Variants in HKDC1 observed in about 807,000 individuals in gnomAD.
HKDC1 encodes the protein hexokinase HKDC1.
A neutral mutation model predicts 96.6 loss-of-function variants in HKDC1; 66 were observed. That is an observed-to-expected ratio of 0.68 (90% confidence interval 0.56 to 0.84). The LOEUF is 0.84. Ranked by LOEUF, HKDC1 falls within the 40% of genes least tolerant of loss-of-function variation. The pLI is 0.00. For missense variants in HKDC1, 1,211 were observed against 1,208.1 expected (o/e 1.00, Z -0.04); for synonymous variants, 466 against 473.1 (o/e 0.98, Z 0.20).
At position 69,250,382 on chromosome 10, in the gene HKDC1, T is replaced by C. The variant is rs1386027991; in HGVS notation, c.1663T>C (p.Tyr555His). ...AAGTGGACGGAGGTCAGTGCGAATG[T>C]ACAACAAGATCTTCGCCATCCCCCT... ...IRSGRRSVRM[Y>H]NKIFAIPLEI... Residue 555 changes from tyrosine to histidine, a missense_variant, in exon 11 of 18, where the codon TAC becomes CAC. Physicochemically the swap from Tyr to His is moderately conservative, Grantham distance 83. Transcript: ENST00000354624. The C allele has an allele frequency of 1.9e-6, 3 of 1,613,982 alleles. No individual in the cohort carries two copies. The highest frequency in any genetic ancestry group is 4.5e-5 in the East Asian group (2 of 44,888).
chr10:69,227,991 T>C (rs1208387175), intron 2 of HKDC1, among the ~76,000 whole-genome samples: 2 of 152,202 alleles, frequency 1.3e-5, no homozygotes, highest in Non-Finnish European at 2.9e-5. Flanking sequence ...GGCCTATGTA[T>C]CTGTTTCCTA....
At chr10:69,226,857 T>C (rs1424165358) in intron 1 of HKDC1, among the ~76,000 whole-genome samples, 1 of 152,168 alleles carries the variant, frequency 6.6e-6, no homozygotes, top group Non-Finnish European at 1.5e-5. Flanking sequence ...TGGAGAGGAA[T>C]GGGACACTGG....
intron 1 of HKDC1, 34 bp from the exon 2 acceptor site, chr10:69,227,173 A>G: frequency 6.2e-7 from 1 of 1,612,566 alleles, no homozygotes; most frequent in Non-Finnish European, 8.5e-7. Flanking sequence ...GAGGGCCCCC[A>G]GCAGCACCCC....
rs1307705503 is a variant in HKDC1 at position 69,247,559 on chromosome 10, G to T, written c.1231G>T (p.Gly411Cys). 1.9e-6 allele frequency: 3 copies of T among 1,613,970 alleles called. No individual in the cohort carries two copies. The highest frequency in any genetic ancestry group is 2.5e-6 in the Non-Finnish European group (3 of 1,180,008). The change falls in exon 9 of 18, where the codon GGC becomes TGC. Residue 411 changes from glycine to cysteine, a missense_variant. By Grantham distance (159) the Gly-to-Cys change is radical. Transcript: ENST00000354624. ...KKVERLRTTV[G>C]MDGTLYKIHP... is the part of the protein sequence containing the mutation. ...GGTGGAACGGCTCCGGACCACAGTG[G>T]GCATGGACGGCACCCTCTACAAGAT... is the stretch of plus-strand genomic sequence containing the variant.
chr10:69,250,334 C>T lies in HKDC1; in HGVS notation c.1615C>T (p.Arg539Trp), dbSNP rs370167561. 28 of 1,613,988 alleles carry T rather than the reference C, an allele frequency of 1.7e-5. No homozygotes were observed. The highest frequency in any genetic ancestry group is 8.3e-5 in the Admixed American group (5 of 59,994). ...CCTGGATCTTGGGGGAACCAACTTC[C>T]GGGTCCTCCTGGTGAAGATCAGAAG... ...LALDLGGTNF[R>W]VLLVKIRSGR... Residue 539 changes from arginine to tryptophan, a missense_variant, in exon 11 of 18, where the codon CGG (arginine) becomes TGG (tryptophan). Coordinates refer to ENST00000354624, the MANE Select transcript of HKDC1 (RefSeq NM_025130.4).
intron 10 of HKDC1, among the ~76,000 whole-genome samples, chr10:69,249,358 G>A (rs541217183): frequency 3.9e-4 from 60 of 152,240 alleles, no homozygotes; most frequent in Non-Finnish European, 7.8e-4. Context: ...CACTTGGAAC[G>A]TTACCAAAGA....
rs35672201 is a variant in HKDC1, at chr10:69,266,463, TA to T, written c.2607-132del. On this transcript the variant is annotated intron_variant, in intron 17 of 17. Transcript: ENST00000354624. The stretch of plus-strand genomic sequence containing the variant: ...CTGGGCAACAGAGTGAGACCATGTC[TA>T]AAAAAAAAAAAAAATTAGAAGAAGC... 6.3e-3 allele frequency: 3,418 copies of T among 544,354 alleles called. 2 individuals carry two copies. Among genetic ancestry groups the T allele is most frequent in the African/African-American group, 0.011 (544 of 47,810 alleles). The allele number at this position is 544,354 out of a possible 1,614,324, so 33.7% of individuals were successfully genotyped here. A position where few individuals can be genotyped will look rare whatever the true frequency, so the allele number is the denominator to read the frequency against.
chr10:69,227,499 C>A, intron 2 of HKDC1, 130 bp downstream of exon 2: 2 of 954,710 alleles, frequency 2.1e-6, no homozygotes, highest in Non-Finnish European at 3.1e-6. Flanking sequence ...CCCTCCCTGC[C>A]CCTCTCTGCT....
At position 69,248,468 on chromosome 10, in the gene HKDC1, G is replaced by C. The variant is rs1207885136; in HGVS notation, c.1310G>C (p.Ser437Thr). 6.9e-6 allele frequency: 11 copies of C among 1,599,614 alleles called. No homozygotes were observed. The highest frequency in any genetic ancestry group is 9.4e-6 in the Non-Finnish European group (11 of 1,170,098). ...AAGGTGGTGAGGAAACTGGTCCCAA[G>C]CTGTGATGTCCGCTTCCTCCTGTCA... ...LHKVVRKLVP[S>T]CDVRFLLSES... The change falls in exon 10 of 18, where the codon AGC becomes ACC. Residue 437 changes from serine (S) to threonine (T), a missense_variant. By Grantham distance (58) the Ser-to-Thr change is moderately conservative (BLOSUM62 1). Transcript: ENST00000354624.
chr10:69,231,021 G>C (rs1378453475), intron 2 of HKDC1, among the ~76,000 whole-genome samples: 1 of 152,142 alleles, frequency 6.6e-6, no homozygotes, highest in Admixed American at 6.5e-5. Flanking sequence ...CCTTTTTTCT[G>C]GGGTCAGAGA....
At chr10:69,265,524 C>T in intron 16 of HKDC1, 61 bp from the exon 17 acceptor site, 2 of 1,449,042 alleles carry the variant, frequency 1.4e-6, no homozygotes, top group Non-Finnish European at 1.9e-6. Context: ...CTGTGGGTCA[C>T]ACTGGGCACA....
chr10:69,264,145 C>CA (rs1843852581), intron 16 of HKDC1, among the ~76,000 whole-genome samples: 2 of 151,252 alleles, frequency 1.3e-5, no homozygotes, highest in Admixed American at 1.3e-4. Context: ...AACTCCGCCT[C>CA]AAAAAGAAGA....
Position 69,220,901 on chromosome 10 carries a change from G to A in HKDC1, c.63+403G>A, listed in dbSNP as rs140304384. On this transcript the variant is annotated intron_variant, in intron 1 of 17. Transcript: ENST00000354624. ...GCAGTGGCTCACGCCTGTAATCCTA[G>A]CACTTTAGGAGGCCGAGGTGGGCGG... is the stretch of plus-strand genomic sequence containing the variant. Among the ~76,000 whole-genome samples the A allele has an allele frequency of 4.4e-3, 677 of 152,312 alleles. 7 individuals carry two copies. The highest frequency in any genetic ancestry group is 0.015 in the African/African-American group (629 of 41,566).
intron 10 of HKDC1, 195 bp downstream of exon 10, chr10:69,248,923 CAAAT>C: frequency 3.5e-6 from 2 of 578,434 alleles, no homozygotes; most frequent in South Asian, 2.6e-5. Context: ...AAAAACAAAA[CAAAT>C]AAACAAACAA....
intron 1 of HKDC1, among the ~76,000 whole-genome samples, chr10:69,225,402 A>T (rs1234599348): frequency 6.6e-6 from 1 of 152,148 alleles, no homozygotes; most frequent in African/African-American, 2.4e-5. Context: ...CCAACCAATT[A>T]GTCATAAACA....
At chr10:69,252,655 A>C (rs1354610025) in intron 12 of HKDC1, among the ~76,000 whole-genome samples, 10 of 151,134 alleles carry the variant, frequency 6.6e-5, no homozygotes, top group Admixed American at 2.6e-4. Context: ...AAAAAAAAAA[A>C]AAAAAAAACT....
intron 2 of HKDC1, among the ~76,000 whole-genome samples, chr10:69,227,784 C>T (rs1053321230): frequency 5.3e-5 from 8 of 152,176 alleles, no homozygotes; most frequent in African/African-American, 1.7e-4. Flanking sequence ...CCACTCACTC[C>T]GTGGGTCCAA....
At chr10:69,261,833 T>A (rs1341580957) in intron 16 of HKDC1, among the ~76,000 whole-genome samples, 1 of 152,252 alleles carries the variant, frequency 6.6e-6, no homozygotes, top group Non-Finnish European at 1.5e-5. Flanking sequence ...CTCCCTCTCT[T>A]ACTTTCCCTT....
At chr10:69,260,374 G>A (rs143794600) in intron 15 of HKDC1, among the ~76,000 whole-genome samples, 62 of 152,286 alleles carry the variant, frequency 4.1e-4, no homozygotes, top group Non-Finnish European at 7.1e-4. Context: ...TCCCAAGTTG[G>A]GGCACCTGAG....
Sources: gnomAD v4.1 joint callset for allele counts (sites outside exome capture counted in the v4.1 genomes callset) on GRCh38, gnomAD v4.1.1 for gene constraint, MANE v1.5 for transcripts, NCBI Gene and HGNC (gene_info 2026-07-23, HGNC 2026-07-21) for gene names.